The following RGS6 variants were observed in gnomAD, a reference collection of about 807,000 sequenced individuals.
The protein encoded by RGS6 is regulator of G protein signaling 6, also known as regulator of G-protein signaling 6.
Under a neutral mutation model 78.5 loss-of-function variants are expected in RGS6, and 30 were observed. The ratio of observed to expected loss-of-function variants is 0.38; its 90% CI spans 0.29 to 0.52. The LOEUF (loss-of-function observed/expected upper bound fraction) is 0.52, where lower values mean the gene tolerates loss of function less well. Among genes scored for constraint, RGS6 ranks in the 20% least tolerant of loss-of-function variants. RGS6 has a pLI of 0.85. For synonymous variants in RGS6, 206 were observed against 206.0 expected (o/e 1.00, Z 0.00); for missense variants, 495 against 609.7 (o/e 0.81, Z 1.98).
chr14:72,475,684 G>A (rs889408842), intron 10 of RGS6, among the ~76,000 whole-genome samples: 6 of 151,840 alleles, frequency 4.0e-5, no homozygotes, highest in Admixed American at 6.6e-5. Flanking sequence ...AGCAGAGATC[G>A]CGCCATTGTA....
the RGS6 span, among the ~76,000 whole-genome samples, chr14:71,879,748 CT>C: frequency 6.6e-6 from 1 of 152,138 alleles, no homozygotes; most frequent in Non-Finnish European, 1.5e-5. Flanking sequence ...AGTTCTTTTT[CT>C]TTATAAATTA....
At chr14:72,088,407 C>T (rs1343630628) in intron 2 of RGS6, among the ~76,000 whole-genome samples, 2 of 152,092 alleles carry the variant, frequency 1.3e-5, no homozygotes, top group African/African-American at 2.4e-5. Flanking sequence ...CTCAGCTCAG[C>T]GTTCACCACG....
At chr14:72,217,562 A>T (rs567101930) in intron 2 of RGS6, among the ~76,000 whole-genome samples, 90 of 152,322 alleles carry the variant, frequency 5.9e-4, no homozygotes, top group Non-Finnish European at 1.1e-3. Context: ...ATTTAAAAAA[A>T]AGTAACACAA....
At chr14:72,092,582 A>G (rs1369029268) in intron 2 of RGS6, among the ~76,000 whole-genome samples, 1 of 152,092 alleles carries the variant, frequency 6.6e-6, no homozygotes, top group African/African-American at 2.4e-5. Flanking sequence ...GGGTTTCACC[A>G]GGTTGGCCAG....
chr14:72,512,760 C>A (rs183990662), intron 14 of RGS6, among the ~76,000 whole-genome samples: 2 of 152,232 alleles, frequency 1.3e-5, no homozygotes, highest in Admixed American at 1.3e-4. Context: ...AATCACATAA[C>A]TGTAGGACTC....
At chr14:72,402,790 G>GTTTTTTTTTTTTTTTTTTTTTTTTTTTT (rs1167831473) in intron 3 of RGS6, among the ~76,000 whole-genome samples, 5 of 75,796 alleles carry the variant, frequency 6.6e-5, no homozygotes, top group East Asian at 4.5e-4. Context: ...TGTTTTTTTG[G>GTTTTTTTTTTTTTTTTTTTTTTTTTTTT]TTTTTTTTTT....
chr14:72,300,407 GA>G (rs2065808913), intron 2 of RGS6, among the ~76,000 whole-genome samples: 1 of 152,176 alleles, frequency 6.6e-6, no homozygotes, highest in Admixed American at 6.5e-5. Context: ...ATGCAGACAG[GA>G]AACCAGTGGG....
intron 15 of RGS6, among the ~76,000 whole-genome samples, chr14:72,520,849 C>T (rs1476700333): frequency 6.6e-6 from 1 of 152,216 alleles, no homozygotes; most frequent in Non-Finnish European, 1.5e-5. Context: ...CCAGTTGGCT[C>T]TTTCTGACAC....
At chr14:72,464,502 A>G (rs2153273112) in intron 6 of RGS6, among the ~76,000 whole-genome samples, 1 of 152,336 alleles carries the variant, frequency 6.6e-6, no homozygotes, top group South Asian at 2.1e-4. Flanking sequence ...TAAATTTTTC[A>G]GAACAAATGA....
chr14:72,315,855 A>G (rs1203278715), intron 2 of RGS6, among the ~76,000 whole-genome samples: 1 of 152,222 alleles, frequency 6.6e-6, no homozygotes, highest in Non-Finnish European at 1.5e-5. Flanking sequence ...CTTCCCAGGC[A>G]GTGTGGCAGA....
intron 16 of RGS6, among the ~76,000 whole-genome samples, chr14:72,539,285 C>T (rs192295185): frequency 6.6e-6 from 1 of 152,296 alleles, no homozygotes; most frequent in Non-Finnish European, 1.5e-5. Context: ...CTTCCTCTAG[C>T]CTGTCGTACG....
chr14:71,905,134 A>C, the RGS6 span, among the ~76,000 whole-genome samples: 1 of 152,186 alleles, frequency 6.6e-6, no homozygotes, highest in Non-Finnish European at 1.5e-5. Context: ...AAGAGACCTG[A>C]AGTCACTCTC....
chr14:72,522,512 G>T (rs1050256613), intron 15 of RGS6, among the ~76,000 whole-genome samples: 5 of 152,198 alleles, frequency 3.3e-5, no homozygotes, highest in African/African-American at 1.2e-4. Flanking sequence ...AGACATTGCA[G>T]GCTTTGTGAG....
At chr14:72,254,715 T>C (rs574683075) in intron 2 of RGS6, among the ~76,000 whole-genome samples, 1 of 152,240 alleles carries the variant, frequency 6.6e-6, no homozygotes, top group South Asian at 2.1e-4. Context: ...CAGCAATCCC[T>C]CCATGTGTCA....
the RGS6 span, chr14:72,629,873 C>A: frequency 1.4e-6 from 1 of 689,774 alleles, no homozygotes; most frequent in Non-Finnish European, 2.5e-6. Context: ...AATGGGGACC[C>A]AAACAGGGCC....
intron 14 of RGS6, among the ~76,000 whole-genome samples, chr14:72,514,872 G>A (rs1219440271): frequency 6.6e-6 from 1 of 152,172 alleles, no homozygotes; most frequent in Non-Finnish European, 1.5e-5. Flanking sequence ...AAAGCTTCAA[G>A]GGGCTTCCCA....
At chr14:72,038,497 CACAAT>C (rs1404001518) in intron 2 of RGS6, among the ~76,000 whole-genome samples, 1 of 152,136 alleles carries the variant, frequency 6.6e-6, no homozygotes, top group East Asian at 1.9e-4. Flanking sequence ...TTCACATCTT[CACAAT>C]ACTATCTTCC....
intron 3 of RGS6, among the ~76,000 whole-genome samples, chr14:72,434,333 T>C (rs2094800476): frequency 6.6e-6 from 1 of 152,214 alleles, no homozygotes. Flanking sequence ...CGAGACCCTG[T>C]CTCTAAAAAG....
At chr14:72,278,342 G>A (rs899256018) in intron 2 of RGS6, among the ~76,000 whole-genome samples, 2 of 152,194 alleles carry the variant, frequency 1.3e-5, no homozygotes, top group African/African-American at 4.8e-5. Flanking sequence ...AGGGGTTTGG[G>A]GAGGCAGATG....
Sources: allele counts gnomAD v4.1 joint callset (sites outside exome capture counted in the v4.1 genomes callset), GRCh38; gene constraint gnomAD v4.1.1; transcripts MANE v1.5; gene names NCBI Gene and HGNC (gene_info 2026-07-23, HGNC 2026-07-21).